The following WWTR1 variants were observed in gnomAD, a reference collection of about 807,000 sequenced individuals.
WWTR1 encodes the protein WW domain-containing transcription regulator protein 1.
Under a neutral mutation model 40.1 loss-of-function variants are expected in WWTR1, and 13 were observed. That is an observed-to-expected ratio of 0.32 (90% CI 0.21 to 0.52). The LOEUF is 0.52. Among genes scored for constraint, WWTR1 ranks in the 20% least tolerant of loss-of-function variants. The probability of loss-of-function intolerance (pLI) is 0.97; values close to 1 mark genes in which losing one functional copy is unlikely to be tolerated. For missense variants in WWTR1, 436 were observed against 523.1 expected (o/e 0.83, Z 1.63); for synonymous variants, 230 against 210.1 (o/e 1.09, Z -0.82).
intron 3 of WWTR1, among the ~76,000 whole-genome samples, chr3:149,542,999 C>T (rs2278476): frequency 0.46 from 69,931 of 151,974 alleles, 16,712 homozygotes; most frequent in South Asian, 0.66. Flanking sequence ...TGACAAACAA[C>T]ATGTAACACA....
At chr3:149,644,450 C>T (rs79364712) in intron 2 of WWTR1, among the ~76,000 whole-genome samples, 6,430 of 152,178 alleles carry the variant, frequency 0.042, 459 homozygotes, top group African/African-American at 0.15. Flanking sequence ...AGACAGTCCT[C>T]GAAAACCTGA....
chr3:149,710,294 G>T (rs1715442199), intron 5 of WWTR1, among the ~76,000 whole-genome samples: 1 of 152,142 alleles, frequency 6.6e-6, no homozygotes, highest in South Asian at 2.1e-4. Context: ...AACAAGACTT[G>T]GAGAAGGGCT....
intron 2 of WWTR1, among the ~76,000 whole-genome samples, chr3:149,622,190 A>T (rs1740310913): frequency 6.6e-6 from 1 of 152,110 alleles, no homozygotes; most frequent in Non-Finnish European, 1.5e-5. Context: ...TTTCTCTGAC[A>T]ATGACATTTC....
rs991888207 is a variant in WWTR1 at position 149,518,114 on chromosome 3, T to C, written c.*2691A>G. The C allele has an allele frequency of 1.3e-5, 2 of 152,194 alleles. No homozygotes were observed. Among genetic ancestry groups the C allele is most frequent in the Non-Finnish European group, 2.9e-5 (2 of 68,028 alleles). The allele number at this position is 152,194 out of a possible 1,614,324, so 9.4% of individuals were successfully genotyped here. ...CTTTAGTGTTCTTTAACAAAGGCCA[T>C]ATTTTGTGGCCTTAAAAACAAAAAA... On this transcript the variant is annotated 3_prime_UTR_variant, in exon 7 of 7. Coordinates refer to ENST00000360632, the MANE Select transcript of WWTR1 (RefSeq NM_015472.6).
At chr3:149,574,478 A>G (rs528393708) in intron 2 of WWTR1, among the ~76,000 whole-genome samples, 2 of 152,292 alleles carry the variant, frequency 1.3e-5, no homozygotes, top group South Asian at 2.1e-4. Context: ...CCTTAGACAT[A>G]CAACAAAAGG....
At chr3:149,722,279 A>C (rs1235504301) in intron 4 of WWTR1, among the ~76,000 whole-genome samples, 1 of 148,970 alleles carries the variant, frequency 6.7e-6, no homozygotes, top group Non-Finnish European at 1.5e-5. Flanking sequence ...TATTCCTCCT[A>C]CTAGCTTTGG....
chr3:149,611,866 T>C (rs546010278), intron 2 of WWTR1, among the ~76,000 whole-genome samples: 5 of 152,366 alleles, frequency 3.3e-5, no homozygotes, highest in Admixed American at 3.3e-4. Flanking sequence ...TGTTCACTGA[T>C]TGATTACTGT....
Position 149,550,832 on chromosome 3 carries a change from T to A in WWTR1, c.569-8295A>T, listed in dbSNP as rs1296976864. ...TAAAAAGAAAATTTCAAAGATGGCTTAACTTCCGTATCAGTTTTCACAGGT... is the reference window on the plus strand; with the variant it reads ...TAAAAAGAAAATTTCAAAGATGGCTAAACTTCCGTATCAGTTTTCACAGGT... On this transcript the variant is annotated intron_variant, in intron 3 of 6. Transcript: ENST00000360632. Among the ~76,000 whole-genome samples the A allele has an allele frequency of 2.1e-5, 3 of 146,096 alleles. 1 individual carries two copies. The highest frequency in any genetic ancestry group is 5.2e-5 in the African/African-American group (2 of 38,670).
At chr3:149,562,648 A>ACACACAG (rs1560061626) in intron 3 of WWTR1, among the ~76,000 whole-genome samples, 1 of 134,988 alleles carries the variant, frequency 7.4e-6, no homozygotes, top group Non-Finnish European at 1.6e-5. Context: ...CACACACACA[A>ACACACAG]AGGGGGAGGG....
In WWTR1 at chr3:149,571,214, CTTTTTTT is replaced by C. The variant is rs10535515; in HGVS notation, c.568+1643_568+1649del. Reference sequence around the variant, plus strand: ...AAGTGTTTGAATTTTTTTTTCTTTTCTTTTTTTTTTTTTTTTTTTTTTGTAAACTGGG... The same window carrying C: ...AAGTGTTTGAATTTTTTTTTCTTTTCTTTTTTTTTTTTTTTGTAAACTGGG... On this transcript the variant is annotated intron_variant, in intron 3 of 6. Coordinates refer to ENST00000360632, the MANE Select transcript of WWTR1 (RefSeq NM_015472.6). Among the ~76,000 whole-genome samples the C allele has an allele frequency of 2.9e-4, 29 of 101,256 alleles. 1 individual carries two copies. Among genetic ancestry groups the C allele is most frequent in the South Asian group, 1.8e-3 (5 of 2,854 alleles). 66.4% of individuals were successfully genotyped at this position (101,256 alleles called of 152,430 possible).
chr3:149,665,335 C>T (rs975858678), intron 2 of WWTR1, among the ~76,000 whole-genome samples: 1 of 150,922 alleles, frequency 6.6e-6, no homozygotes, highest in African/African-American at 2.4e-5. Flanking sequence ...AAGCCATTCT[C>T]CTGCCTCAGC....
rs1735045866 is a variant in WWTR1 at position 149,521,542 on chromosome 3, A to G, written c.1019-553T>C. 3.3e-5 allele frequency among the ~76,000 whole-genome samples: 5 copies of G among 152,226 alleles called. No individual in the cohort carries two copies. The South Asian group carries it at 6.2e-4, about 19-fold the overall frequency. Reference sequence around the variant, plus strand: ...CTGCCTTTCTCACAAGCATATGAGCACAGTGCATATGAGCATGTTAAGGCT... The same window carrying G: ...CTGCCTTTCTCACAAGCATATGAGCGCAGTGCATATGAGCATGTTAAGGCT... On this transcript the variant is annotated intron_variant, in intron 6 of 6. Coordinates refer to ENST00000360632, the MANE Select transcript of WWTR1 (RefSeq NM_015472.6).
Position 149,548,945 on chromosome 3 carries a change from G to GT in WWTR1, c.569-6409dup, listed in dbSNP as rs541492248. Among the ~76,000 whole-genome samples the GT allele has an allele frequency of 3.0e-4, 46 of 152,284 alleles. No individual in the cohort carries two copies. In the East Asian group the frequency reaches 7.9e-3, roughly 26 times the overall value. On this transcript the variant is annotated intron_variant, in intron 3 of 6. Coordinates refer to ENST00000360632, the MANE Select transcript of WWTR1 (RefSeq NM_015472.6). ...CATCCCCAGCACCTATTTCCTAACA[G>GT]TACTTCGGTTCCAACAATAATAGGG... is the stretch of plus-strand genomic sequence containing the variant.
chr3:149,657,395 G>A (rs1713310711), intron 1 of WWTR1, 86 bp from the exon 2 acceptor site: 1 of 1,412,964 alleles, frequency 7.1e-7, no homozygotes, highest in Non-Finnish European at 9.4e-7. Flanking sequence ...CGAGATGGTG[G>A]GAGAAAGAAT....
chr3:149,710,116 C>A (rs1338683986), intron 5 of WWTR1, among the ~76,000 whole-genome samples: 1 of 152,184 alleles, frequency 6.6e-6, no homozygotes, highest in East Asian at 1.9e-4. Flanking sequence ...ATCAAGGCCC[C>A]AACTGTACTG....
At chr3:149,666,100 C>T (rs1182811198) in intron 2 of WWTR1, among the ~76,000 whole-genome samples, 1 of 152,182 alleles carries the variant, frequency 6.6e-6, no homozygotes. Flanking sequence ...CAACTCCTCC[C>T]TTTACCCAAA....
intron 2 of WWTR1, among the ~76,000 whole-genome samples, chr3:149,612,935 C>G (rs183783894): frequency 1.1e-4 from 17 of 152,310 alleles, no homozygotes; most frequent in African/African-American, 3.9e-4. Flanking sequence ...TTTACACAAG[C>G]CTGTCTAGAG....
chr3:149,582,441 A>G (rs575290630), intron 2 of WWTR1, among the ~76,000 whole-genome samples: 2 of 152,140 alleles, frequency 1.3e-5, no homozygotes, highest in East Asian at 1.9e-4. Flanking sequence ...TAAAAAATGT[A>G]TAGTCCAGAC....
At chr3:149,676,370 C>A (rs16862143) in intron 1 of WWTR1, among the ~76,000 whole-genome samples, 1,692 of 152,268 alleles carry the variant, frequency 0.011, 31 homozygotes, top group African/African-American at 0.039. Context: ...GGGGAGTCCT[C>A]ATCATCTCTT....
Sources: allele counts gnomAD v4.1 joint callset (sites outside exome capture counted in the v4.1 genomes callset), GRCh38; gene constraint gnomAD v4.1.1; transcripts MANE v1.5; gene names NCBI Gene and HGNC (gene_info 2026-07-23, HGNC 2026-07-21).